Variants in ECT2L observed in about 807,000 individuals in gnomAD.
ECT2L encodes the protein epithelial cell-transforming sequence 2 oncogene-like.
A neutral mutation model predicts 122.8 loss-of-function variants in ECT2L; 126 were observed. That is an observed-to-expected ratio of 1.03 (90% CI 0.89 to 1.19). The LOEUF (loss-of-function observed/expected upper bound fraction) is 1.19, where lower values mean the gene tolerates loss of function less well. Among genes scored for constraint, ECT2L ranks in the 50% most tolerant of loss-of-function variants. ECT2L has a pLI of 0.00. For missense variants in ECT2L, 1,012 were observed against 1,064.1 expected, an observed-to-expected ratio of 0.95 and a Z score of 0.68; for synonymous variants, 385 against 381.8, an observed-to-expected ratio of 1.01 and a Z score of -0.10.
chr6:138,872,760 T>C (rs910981411), intron 13 of ECT2L, among the ~76,000 whole-genome samples: 3 of 152,236 alleles, frequency 2.0e-5, no homozygotes, highest in Non-Finnish European at 4.4e-5. Flanking sequence ...TGCTGATTCC[T>C]GACTCCCTGG....
intron 5 of ECT2L, among the ~76,000 whole-genome samples, chr6:138,840,783 GAGTCTGAGACTTAATATCTTTTATC>G (rs982076861): frequency 1.3e-5 from 2 of 151,690 alleles, no homozygotes; most frequent in African/African-American, 4.8e-5. Flanking sequence ...AGTGATTTTT[GAGTCTGAGACTTAATATCTTTTATC>G]AGTTTTGAAA....
chr6:138,873,708 C>G (rs568556343), intron 13 of ECT2L, among the ~76,000 whole-genome samples: 6 of 152,218 alleles, frequency 3.9e-5, no homozygotes, highest in Admixed American at 3.9e-4. Context: ...GCAGGAGAAT[C>G]CCTTGAACTT....
At chr6:138,831,778 G>A (rs1326281349) in intron 4 of ECT2L, among the ~76,000 whole-genome samples, 2 of 152,122 alleles carry the variant, frequency 1.3e-5, no homozygotes, top group Admixed American at 6.5e-5. Context: ...AAATAATGTT[G>A]ATTTAATAAG....
At chr6:138,888,317 C>CTTTTTTTTTTT (rs71270363) in intron 19 of ECT2L, among the ~76,000 whole-genome samples, 3 of 128,644 alleles carry the variant, frequency 2.3e-5, no homozygotes, top group Non-Finnish European at 4.8e-5. Flanking sequence ...TTTTTCTTTT[C>CTTTTTTTTTTT]TTTTTTTTTT....
intron 4 of ECT2L, among the ~76,000 whole-genome samples, chr6:138,826,194 C>A (rs186051081): frequency 6.6e-6 from 1 of 152,156 alleles, no homozygotes; most frequent in African/African-American, 2.4e-5. Context: ...AATTCATATT[C>A]CAATTCTCTC....
At chr6:138,859,254 C>T (rs1439029834) in intron 10 of ECT2L, among the ~76,000 whole-genome samples, 1 of 152,142 alleles carries the variant, frequency 6.6e-6, no homozygotes, top group Admixed American at 6.5e-5. Context: ...CTTTTTACTA[C>T]TGGGAATTAT....
chr6:138,882,988 T>C, intron 16 of ECT2L, 117 bp downstream of exon 16: 1 of 1,118,418 alleles, frequency 8.9e-7, no homozygotes, highest in Non-Finnish European at 1.3e-6. Context: ...CTCCCAGCTG[T>C]CTTCCCATAC....
intron 4 of ECT2L, among the ~76,000 whole-genome samples, chr6:138,833,560 A>G (rs549669907): frequency 3.3e-5 from 5 of 152,132 alleles, no homozygotes; most frequent in African/African-American, 1.2e-4. Flanking sequence ...TTTTGGCCCC[A>G]TTAAAACATG....
intron 20 of ECT2L, 141 bp downstream of exon 20, chr6:138,889,172 C>G: frequency 5.4e-6 from 2 of 367,828 alleles, no homozygotes; most frequent in East Asian, 4.1e-5. Context: ...TGAAAAGTTA[C>G]AGAGGACTCC....
At chr6:138,828,339 G>A (rs1776527607) in intron 4 of ECT2L, among the ~76,000 whole-genome samples, 2 of 152,084 alleles carry the variant, frequency 1.3e-5, no homozygotes, top group African/African-American at 4.8e-5. Context: ...CAATGTATAG[G>A]TTTTCTCCCC....
intron 10 of ECT2L, among the ~76,000 whole-genome samples, chr6:138,862,286 T>A (rs1562480071): frequency 6.6e-6 from 1 of 152,172 alleles, no homozygotes; most frequent in Non-Finnish European, 1.5e-5. Flanking sequence ...CTGCTTGGCA[T>A]CTGGTGAGGG....
intron 4 of ECT2L, among the ~76,000 whole-genome samples, chr6:138,827,970 G>T (rs1377418266): frequency 6.6e-6 from 1 of 151,714 alleles, no homozygotes; most frequent in African/African-American, 2.4e-5. Flanking sequence ...AAGTTCTAGG[G>T]TACATGTGCA....
chr6:138,813,375 T>C (rs778756961), intron 3 of ECT2L, 35 bp downstream of exon 3: 7 of 1,519,994 alleles, frequency 4.6e-6, no homozygotes, highest in African/African-American at 1.4e-5. Flanking sequence ...ACAAGTTTAA[T>C]TCGTAAGGTT....
chr6:138,873,904 G>GTA (rs1562486128), intron 13 of ECT2L, among the ~76,000 whole-genome samples: 1 of 126,116 alleles, frequency 7.9e-6, no homozygotes, highest in African/African-American at 2.8e-5. Context: ...GTGTGTGTGT[G>GTA]TGTGTGTGTG....
Position 138,813,040 on chromosome 6 carries a change from TTATCA to T in ECT2L, c.-104+67_-104+71del, listed in dbSNP as rs1775953353. On this transcript the variant is annotated intron_variant, in intron 2 of 21. Coordinates refer to ENST00000541398, the MANE Select transcript of ECT2L (RefSeq NM_001077706.3). The stretch of plus-strand genomic sequence containing the variant: ...GGATTTTTGTGTATATTTGTATGGC[TTATCA>T]TATACACAGATGAATTTTATATATA... 1.3e-5 allele frequency: 5 copies of T among 377,522 alleles called. 1 individual carries two copies. In the South Asian group the frequency reaches 5.7e-4, roughly 43 times the overall value. 23.4% of individuals were successfully genotyped at this position (377,522 alleles called of 1,614,324 possible). A position where few individuals can be genotyped will look rare whatever the true frequency, so the allele number is the denominator to read the frequency against.
intron 20 of ECT2L, 87 bp downstream of exon 20, chr6:138,889,118 C>A: frequency 3.5e-6 from 2 of 574,604 alleles, no homozygotes; most frequent in Non-Finnish European, 5.8e-6. Context: ...GCATTCAGTA[C>A]AATGTCTGAC....
At chr6:138,886,698 G>GA (rs1216942361) in intron 18 of ECT2L, among the ~76,000 whole-genome samples, 159 bp from the exon 19 acceptor site, 1 of 152,104 alleles carries the variant, frequency 6.6e-6, no homozygotes, top group Non-Finnish European at 1.5e-5. Flanking sequence ...GATTACAGAC[G>GA]AAAGTCACTA....
intron 19 of ECT2L, among the ~76,000 whole-genome samples, chr6:138,887,351 C>T (rs866753748): frequency 1.3e-5 from 2 of 152,098 alleles, no homozygotes; most frequent in Non-Finnish European, 1.5e-5. Flanking sequence ...CCCAGCCTCC[C>T]GAGTAGCTGG....
chr6:138,884,339 T>C (rs547002511), intron 16 of ECT2L, among the ~76,000 whole-genome samples: 7 of 152,114 alleles, frequency 4.6e-5, no homozygotes, highest in Non-Finnish European at 7.4e-5. Context: ...ATGAATACAT[T>C]TTAAAACAGA....
Sources: gnomAD v4.1 joint callset for allele counts (sites outside exome capture counted in the v4.1 genomes callset) on GRCh38, gnomAD v4.1.1 for gene constraint, MANE v1.5 for transcripts, NCBI Gene and HGNC (gene_info 2026-07-23, HGNC 2026-07-21) for gene names.